Variants in AFAP1L2 observed in about 807,000 individuals in gnomAD.
AFAP1L2 encodes actin filament associated protein 1 like 2.
In AFAP1L2, 46 loss-of-function variants were observed where a neutral mutation model predicts 99.3. The observed-to-expected ratio is 0.46, with a 90% CI of 0.37 to 0.59. The LOEUF is 0.59. Among genes scored for constraint, AFAP1L2 ranks in the 20% least tolerant of loss-of-function variants. The pLI is 0.00. For missense variants in AFAP1L2, 959 were observed against 1,034.9 expected (o/e 0.93, Z 1.01); for synonymous variants, 397 against 419.1 (o/e 0.95, Z 0.64).
chr10:114,375,084 T>A (rs992157270), intron 1 of AFAP1L2, among the ~76,000 whole-genome samples: 8 of 152,180 alleles, frequency 5.3e-5, no homozygotes, highest in Non-Finnish European at 1.2e-4. Context: ...CCTGTTTTTA[T>A]ATGGCCCTCA....
chr10:114,373,001 T>C (rs1380744944), intron 1 of AFAP1L2, among the ~76,000 whole-genome samples: 3 of 152,228 alleles, frequency 2.0e-5, no homozygotes, highest in African/African-American at 7.2e-5. Flanking sequence ...ATGCAATGTA[T>C]GTTTTAAAAT....
At chr10:114,404,379 C>T in intron 1 of AFAP1L2, 61 bp downstream of exon 1, 1 of 1,500,852 alleles carries the variant, frequency 6.7e-7, no homozygotes. Flanking sequence ...CTAGCCCTGC[C>T]CTCCGCGTCG....
intron 8 of AFAP1L2, among the ~76,000 whole-genome samples, chr10:114,308,881 C>T (rs983601789): frequency 5.9e-5 from 9 of 152,142 alleles, no homozygotes; most frequent in African/African-American, 2.2e-4. Context: ...TGAGCTGGTT[C>T]GTCTGCACAG....
At chr10:114,391,011 C>T (rs143060723) in intron 1 of AFAP1L2, among the ~76,000 whole-genome samples, 2 of 152,192 alleles carry the variant, frequency 1.3e-5, no homozygotes, top group Admixed American at 6.5e-5. Flanking sequence ...TACATTCATG[C>T]CTTTTTCTGG....
intron 1 of AFAP1L2, among the ~76,000 whole-genome samples, chr10:114,355,373 T>C (rs1008102150): frequency 2.6e-5 from 4 of 151,860 alleles, no homozygotes; most frequent in Non-Finnish European, 5.9e-5. Context: ...GCTGTGATTA[T>C]AGGCGTGAGC....
chr10:114,370,825 C>T (rs2053991927), intron 1 of AFAP1L2, among the ~76,000 whole-genome samples: 1 of 152,158 alleles, frequency 6.6e-6, no homozygotes, highest in Admixed American at 6.5e-5. Context: ...ATCGAAAGCA[C>T]CTTTGGTATG....
the AFAP1L2 span, among the ~76,000 whole-genome samples, chr10:114,285,632 T>A: frequency 6.6e-6 from 1 of 152,204 alleles, no homozygotes; most frequent in Non-Finnish European, 1.5e-5. Flanking sequence ...GAGCATATAT[T>A]TTCATGATCT....
chr10:114,352,009 A>G (rs2420059), intron 1 of AFAP1L2, among the ~76,000 whole-genome samples: 150,723 of 152,362 alleles, frequency 0.99, 74,571 homozygotes, highest in East Asian at 1. Context: ...CTAGGGACTA[A>G]TTCGTGGGAT....
At chr10:114,350,936 C>T (rs1590416875) in intron 1 of AFAP1L2, among the ~76,000 whole-genome samples, 1 of 152,172 alleles carries the variant, frequency 6.6e-6, no homozygotes, top group Admixed American at 6.5e-5. Flanking sequence ...TGTTCCTCAG[C>T]CCATTTAAGA....
intron 11 of AFAP1L2, among the ~76,000 whole-genome samples, chr10:114,303,031 T>C (rs1235883606): frequency 6.6e-6 from 1 of 151,936 alleles, no homozygotes; most frequent in Non-Finnish European, 1.5e-5. Flanking sequence ...TGCTAAATCA[T>C]CATCAAAATC....
chr10:114,391,153 T>A (rs1362052410), intron 1 of AFAP1L2, among the ~76,000 whole-genome samples: 1 of 152,208 alleles, frequency 6.6e-6, no homozygotes, highest in Non-Finnish European at 1.5e-5. Flanking sequence ...TTAACTTTGA[T>A]GTAATCCAAC....
At chr10:114,376,452 T>A (rs2054810631) in intron 1 of AFAP1L2, among the ~76,000 whole-genome samples, 2 of 152,246 alleles carry the variant, frequency 1.3e-5, no homozygotes, top group Non-Finnish European at 2.9e-5. Context: ...AGCATCTGAC[T>A]AGCATATAGA....
intron 1 of AFAP1L2, among the ~76,000 whole-genome samples, chr10:114,346,692 A>G (rs1429072516): frequency 2.6e-5 from 4 of 152,216 alleles, no homozygotes; most frequent in Admixed American, 2.6e-4. Flanking sequence ...AGGGAGAAAT[A>G]AATGTGTTGT....
At chr10:114,337,016 C>T (rs560386764) in intron 2 of AFAP1L2, among the ~76,000 whole-genome samples, 3 of 152,228 alleles carry the variant, frequency 2.0e-5, no homozygotes, top group African/African-American at 7.2e-5. Flanking sequence ...AGATGATCAC[C>T]TCGCCTCCAC....
chr10:114,404,721 C>A, upstream of AFAP1L2: 1 of 358,062 alleles, frequency 2.8e-6, no homozygotes, highest in Non-Finnish European at 4.9e-6. Context: ...GGTGCGCGCC[C>A]GCGGCCCCGC....
At position 114,398,902 on chromosome 10, in the gene AFAP1L2, G is replaced by A. The variant is rs1297387454; in HGVS notation, c.16+5538C>T. 4 of 1,304,342 alleles carry A rather than the reference G, an allele frequency of 3.1e-6. No homozygotes were observed. In the South Asian group the frequency reaches 3.7e-5, roughly 12 times the overall value. The allele number at this position is 1,304,342 out of a possible 1,614,324, so 80.8% of individuals were successfully genotyped here. A position where few individuals can be genotyped will look rare whatever the true frequency, so the allele number is the denominator to read the frequency against. The stretch of plus-strand genomic sequence containing the variant: ...TGTACCACCAGACAGCAACACCCCT[G>A]TGCTGGAATAGACAGAAATAAGGCT... On this transcript the variant is annotated intron_variant, in intron 1 of 18. Transcript: ENST00000304129.
intron 1 of AFAP1L2, 177 bp from the exon 2 acceptor site, chr10:114,340,908 C>T (rs983745501): frequency 2.1e-5 from 17 of 803,932 alleles, no homozygotes; most frequent in Non-Finnish European, 3.4e-5. Context: ...ATTCTCAGCT[C>T]CAGGGCCACA....
rs573617853 is a variant in AFAP1L2, at chr10:114,308,566, C to T, written c.883-49G>A. 2.4e-5 allele frequency: 36 copies of T among 1,506,586 alleles called. 1 individual carries two copies. In the South Asian group the frequency reaches 4.0e-4, roughly 17 times the overall value. The allele number at this position is 1,506,586 out of a possible 1,614,324, so 93.3% of individuals were successfully genotyped here. The stretch of plus-strand genomic sequence containing the variant: ...GGGGATCACTGGCTGGGAACAGTTA[C>T]CTTGGAGACCACAATTGAAGGGAAA... On this transcript the variant is annotated intron_variant, in intron 8 of 18. Coordinates refer to ENST00000304129, the MANE Select transcript of AFAP1L2 (RefSeq NM_001001936.3).
In AFAP1L2 at chr10:114,311,841, G is replaced by A. The variant is rs569915052; in HGVS notation, c.793-1398C>T. Among the ~76,000 whole-genome samples, 3 of 152,330 alleles carry A rather than the reference G, an allele frequency of 2.0e-5. No homozygotes were observed. In the South Asian group the frequency reaches 6.2e-4, roughly 32 times the overall value. ...TATACCTGTCTCACCCTGGGCATGG[G>A]TGCGGATATGCAGAATTGGGACACA... On this transcript the variant is annotated intron_variant, in intron 7 of 18. Transcript: ENST00000304129.
Sources: allele counts gnomAD v4.1 joint callset (sites outside exome capture counted in the v4.1 genomes callset), GRCh38; gene constraint gnomAD v4.1.1; transcripts MANE v1.5; gene names NCBI Gene and HGNC (gene_info 2026-07-23, HGNC 2026-07-21).